The following PPARGC1A variants were observed in gnomAD, a reference collection of about 807,000 sequenced individuals.
The protein encoded by PPARGC1A is peroxisome proliferator-activated receptor gamma coactivator 1-alpha.
In PPARGC1A, 25 loss-of-function variants were observed where a neutral mutation model predicts 88.7. The ratio of observed to expected loss-of-function variants is 0.28; its 90% confidence interval spans 0.21 to 0.39. The LOEUF (loss-of-function observed/expected upper bound fraction) is 0.39, where lower values mean the gene tolerates loss of function less well. Among genes scored for constraint, PPARGC1A ranks in the 10% least tolerant of loss-of-function variants. PPARGC1A has a pLI of 1.00. For missense variants in PPARGC1A, 880 were observed against 968.7 expected, an observed-to-expected ratio of 0.91 and a Z score of 1.22; for synonymous variants, 363 against 355.6, an observed-to-expected ratio of 1.02 and a Z score of -0.24.
chr4:24,451,601 T>C, the PPARGC1A span, among the ~76,000 whole-genome samples: 2 of 152,134 alleles, frequency 1.3e-5, no homozygotes, highest in African/African-American at 4.8e-5. Context: ...TTTTTTGAGA[T>C]GGTGTCTTGC....
chr4:24,037,549 C>A, the PPARGC1A span, among the ~76,000 whole-genome samples: 1 of 152,008 alleles, frequency 6.6e-6, no homozygotes, highest in Non-Finnish European at 1.5e-5. Context: ...TAAATAGAGC[C>A]GTCTATTATA....
At chr4:24,345,148 G>A in the PPARGC1A span, among the ~76,000 whole-genome samples, 822 of 152,176 alleles carry the variant, frequency 5.4e-3, 2 homozygotes, top group African/African-American at 0.016. Context: ...CACTGTTTCG[G>A]TGACTATAGC....
the PPARGC1A span, among the ~76,000 whole-genome samples, chr4:24,291,175 T>C: frequency 6.6e-6 from 1 of 152,176 alleles, no homozygotes; most frequent in Non-Finnish European, 1.5e-5. Flanking sequence ...AGGTGCCCAG[T>C]GTCACTCCTT....
At chr4:24,048,562 C>A in the PPARGC1A span, among the ~76,000 whole-genome samples, 1 of 152,024 alleles carries the variant, frequency 6.6e-6, no homozygotes, top group Admixed American at 6.6e-5. Flanking sequence ...ATAAATCATC[C>A]CTGGCAAGAC....
the PPARGC1A span, among the ~76,000 whole-genome samples, chr4:23,909,532 G>T: frequency 1.7e-4 from 26 of 151,286 alleles, 2 homozygotes; most frequent in East Asian, 5.6e-3. Flanking sequence ...GTCATACTTG[G>T]CTGGAGAAGA....
the PPARGC1A span, among the ~76,000 whole-genome samples, chr4:24,309,145 A>G: frequency 6.6e-6 from 1 of 152,214 alleles, no homozygotes; most frequent in African/African-American, 2.4e-5. Flanking sequence ...TGGAAAGAAA[A>G]AAAAAGATGT....
chr4:24,020,076 T>C, the PPARGC1A span, among the ~76,000 whole-genome samples: 1 of 152,162 alleles, frequency 6.6e-6, no homozygotes, highest in Non-Finnish European at 1.5e-5. Context: ...ATAAAATCTC[T>C]GCAGGGGAGA....
chr4:23,945,577 G>T, the PPARGC1A span, among the ~76,000 whole-genome samples: 1 of 152,178 alleles, frequency 6.6e-6, no homozygotes, highest in Non-Finnish European at 1.5e-5. Flanking sequence ...ATAAGGCTCT[G>T]AGATGACAGC....
At chr4:24,074,633 A>T in the PPARGC1A span, among the ~76,000 whole-genome samples, 1 of 152,212 alleles carries the variant, frequency 6.6e-6, no homozygotes, top group East Asian at 1.9e-4. Flanking sequence ...GTCTTTCTAC[A>T]GCAAAATCAG....
At chr4:24,322,614 T>A in the PPARGC1A span, among the ~76,000 whole-genome samples, 1 of 152,214 alleles carries the variant, frequency 6.6e-6, no homozygotes. Flanking sequence ...TGGAACAGGC[T>A]TACATAGGCT....
chr4:24,109,446 G>A, the PPARGC1A span, among the ~76,000 whole-genome samples: 1 of 151,926 alleles, frequency 6.6e-6, no homozygotes, highest in Admixed American at 6.6e-5. Context: ...TTATTCACTT[G>A]GTATCTCTAG....
the PPARGC1A span, among the ~76,000 whole-genome samples, chr4:24,411,003 C>A: frequency 6.6e-6 from 1 of 152,176 alleles, no homozygotes. Context: ...TAAACTCCCT[C>A]TCATATATAC....
chr4:24,365,060 G>A, the PPARGC1A span, among the ~76,000 whole-genome samples: 1 of 151,654 alleles, frequency 6.6e-6, no homozygotes, highest in Non-Finnish European at 1.5e-5. Flanking sequence ...CTAAATATAG[G>A]ATTTCAACCA....
the PPARGC1A span, among the ~76,000 whole-genome samples, chr4:24,422,612 T>G: frequency 6.9e-6 from 1 of 145,838 alleles, no homozygotes; most frequent in African/African-American, 2.6e-5. Flanking sequence ...CCTTTTATTG[T>G]GTTCTCTTTA....
At chr4:24,015,615 T>C in the PPARGC1A span, among the ~76,000 whole-genome samples, 1 of 152,156 alleles carries the variant, frequency 6.6e-6, no homozygotes, top group African/African-American at 2.4e-5. Flanking sequence ...GACAATGCTA[T>C]TCTCAGTTCA....
At chr4:24,331,626 C>T in the PPARGC1A span, among the ~76,000 whole-genome samples, 1 of 152,100 alleles carries the variant, frequency 6.6e-6, no homozygotes, top group Non-Finnish European at 1.5e-5. Context: ...TTCATAAGAT[C>T]TGCCACCATG....
chr4:23,859,423 G>A (rs1387970768), intron 2 of PPARGC1A, among the ~76,000 whole-genome samples: 1 of 152,138 alleles, frequency 6.6e-6, no homozygotes, highest in Non-Finnish European at 1.5e-5. Flanking sequence ...AAGGAGAGAA[G>A]ATGTATTCAA....
At chr4:24,466,066 A>G in the PPARGC1A span, among the ~76,000 whole-genome samples, 1 of 152,178 alleles carries the variant, frequency 6.6e-6, no homozygotes, top group African/African-American at 2.4e-5. Flanking sequence ...TGAGTGCCCC[A>G]CTAAACCATA....
At chr4:23,849,464 T>C (rs545553812) in intron 2 of PPARGC1A, among the ~76,000 whole-genome samples, 1 of 152,268 alleles carries the variant, frequency 6.6e-6, no homozygotes, top group African/African-American at 2.4e-5. Context: ...GGCTCACAGA[T>C]ATTGCCTTCA....
Sources: allele counts gnomAD v4.1 joint callset (sites outside exome capture counted in the v4.1 genomes callset), GRCh38; gene constraint gnomAD v4.1.1; transcripts MANE v1.5; gene names NCBI Gene and HGNC (gene_info 2026-07-23, HGNC 2026-07-21).